The following CTNNA3 variants were observed in gnomAD, a reference collection of about 807,000 sequenced individuals.
CTNNA3 encodes catenin alpha 3, also known as catenin alpha-3.
Under a neutral mutation model 95.7 loss-of-function variants are expected in CTNNA3, and 76 were observed. That is an observed-to-expected ratio of 0.79 (90% CI 0.66 to 0.96). The LOEUF is 0.96. Among genes scored for constraint, CTNNA3 ranks in the 40% least tolerant of loss-of-function variants. The probability of loss-of-function intolerance (pLI) is 0.00; values close to 1 mark genes in which losing one functional copy is unlikely to be tolerated. For synonymous variants in CTNNA3, 431 were observed against 374.4 expected, an observed-to-expected ratio of 1.15 and a Z score of -1.74; for missense variants, 1,191 against 1,089.8, an observed-to-expected ratio of 1.09 and a Z score of -1.31.
chr10:67,468,770 C>T (rs937063526), intron 5 of CTNNA3, among the ~76,000 whole-genome samples: 2 of 152,076 alleles, frequency 1.3e-5, no homozygotes, highest in South Asian at 2.1e-4. Context: ...CCAGAATTAC[C>T]AGGTAGATGA....
At position 66,416,551 on chromosome 10, in the gene CTNNA3, A is replaced by T. The variant is rs202081095; in HGVS notation, c.1532-37199T>A. On this transcript the variant is annotated intron_variant, in intron 11 of 17. Transcript: ENST00000433211. ...TGAAAAATAGAGAATTTTTTTTTTT[A>T]AAAAAAAGCAAGAGAAAAGCATCTA... Among the ~76,000 whole-genome samples the T allele has an allele frequency of 1.0e-3, 77 of 73,414 alleles. 1 individual carries two copies. Among genetic ancestry groups the T allele is most frequent in the African/African-American group, 3.3e-3 (49 of 14,730 alleles). The allele number at this position is 73,414 out of a possible 152,430, so 48.2% of individuals were successfully genotyped here. A position where few individuals can be genotyped will look rare whatever the true frequency, so the allele number is the denominator to read the frequency against.
chr10:66,783,743 T>A (rs1840633371), intron 7 of CTNNA3, among the ~76,000 whole-genome samples: 1 of 152,158 alleles, frequency 6.6e-6, no homozygotes, highest in African/African-American at 2.4e-5. Flanking sequence ...ATTTTCCCGC[T>A]TTTAAATAGA....
chr10:67,240,634 T>C (rs1865683364), intron 5 of CTNNA3, among the ~76,000 whole-genome samples: 1 of 152,154 alleles, frequency 6.6e-6, no homozygotes, highest in Non-Finnish European at 1.5e-5. Flanking sequence ...AAAAGAATTC[T>C]TCAAATTCAA....
chr10:66,775,239 A>G (rs1225624754), intron 8 of CTNNA3, among the ~76,000 whole-genome samples: 2 of 152,224 alleles, frequency 1.3e-5, no homozygotes, highest in Admixed American at 6.5e-5. Flanking sequence ...CTGTCTGATA[A>G]GGCACACATT....
rs554308100 is a variant in CTNNA3 at position 66,614,348 on chromosome 10, C to T, written c.1374+7344G>A. Reference sequence around the variant, plus strand: ...AAGGTCATTGAGGTATAATCATTCACTCAGCAAAAATGTACTGAGTACCTA... The same window carrying T: ...AAGGTCATTGAGGTATAATCATTCATTCAGCAAAAATGTACTGAGTACCTA... On this transcript the variant is annotated intron_variant, in intron 10 of 17. Transcript: ENST00000433211. Among the ~76,000 whole-genome samples, 3 of 152,130 alleles carry T rather than the reference C, an allele frequency of 2.0e-5. 1 individual carries two copies. Among genetic ancestry groups the T allele is most frequent in the South Asian group, 2.1e-4 (1 of 4,826 alleles).
intron 11 of CTNNA3, among the ~76,000 whole-genome samples, chr10:66,513,185 T>C (rs1478633397): frequency 6.6e-6 from 1 of 152,176 alleles, no homozygotes; most frequent in Non-Finnish European, 1.5e-5. Context: ...TCATGTAAAC[T>C]TTTTTCATTT....
rs116282985 is a variant in CTNNA3 at position 67,101,620 on chromosome 10, T to C, written c.1047+78697A>G. 5.0e-3 allele frequency among the ~76,000 whole-genome samples: 752 copies of C among 151,812 alleles called. 9 individuals carry two copies. Among genetic ancestry groups the C allele is most frequent in the African/African-American group, 0.017 (723 of 41,504 alleles). On this transcript the variant is annotated intron_variant, in intron 7 of 17. Coordinates refer to ENST00000433211, the MANE Select transcript of CTNNA3 (RefSeq NM_013266.4). Reference sequence around the variant, plus strand: ...AAAACCACAAAACTATACAGATTAATACAAATTACATTTTTACAAGGAAAG... The same window carrying C: ...AAAACCACAAAACTATACAGATTAACACAAATTACATTTTTACAAGGAAAG...
intron 9 of CTNNA3, among the ~76,000 whole-genome samples, chr10:66,753,069 G>C (rs1839220530): frequency 6.6e-6 from 1 of 152,150 alleles, no homozygotes; most frequent in East Asian, 1.9e-4. Context: ...GAGGCCCATA[G>C]CTACCTACTC....
intron 7 of CTNNA3, among the ~76,000 whole-genome samples, chr10:67,083,113 T>C (rs1274284887): frequency 6.6e-6 from 1 of 152,122 alleles, no homozygotes; most frequent in African/African-American, 2.4e-5. Flanking sequence ...AGACCTTCAT[T>C]ACTCAGCCTT....
intron 9 of CTNNA3, among the ~76,000 whole-genome samples, chr10:66,754,461 C>A (rs1480341555): frequency 3.3e-5 from 5 of 151,992 alleles, no homozygotes; most frequent in Non-Finnish European, 7.4e-5. Flanking sequence ...TAGGCAATGA[C>A]TTCTTATAAA....
At chr10:67,729,453 A>T (rs564907004) in intron 1 of CTNNA3, among the ~76,000 whole-genome samples, 7 of 152,272 alleles carry the variant, frequency 4.6e-5, no homozygotes, top group Admixed American at 3.9e-4. Context: ...AAACAAAAAC[A>T]ATAAAGACAA....
chr10:66,606,396 C>A (rs1346591043), intron 10 of CTNNA3, among the ~76,000 whole-genome samples: 1 of 152,106 alleles, frequency 6.6e-6, no homozygotes, highest in East Asian at 1.9e-4. Context: ...AGGACCTGAA[C>A]TCAGCACTGG....
chr10:67,021,579 T>C (rs551294793), intron 7 of CTNNA3, among the ~76,000 whole-genome samples: 3 of 152,150 alleles, frequency 2.0e-5, no homozygotes, highest in South Asian at 4.1e-4. Flanking sequence ...ATTATAATCA[T>C]GAAAGTTATG....
intron 9 of CTNNA3, among the ~76,000 whole-genome samples, chr10:66,721,678 G>A (rs1302697536): frequency 2.0e-5 from 3 of 152,186 alleles, no homozygotes; most frequent in African/African-American, 7.2e-5. Flanking sequence ...AGGCTGCCCT[G>A]CTGGGGAATG....
intron 5 of CTNNA3, among the ~76,000 whole-genome samples, chr10:67,224,332 T>C (rs750399426): frequency 3.3e-5 from 5 of 152,162 alleles, no homozygotes; most frequent in Non-Finnish European, 7.3e-5. Context: ...ATAAATACAA[T>C]CATACAATAT....
chr10:67,751,151 C>T, intron 1 of CTNNA3: 2 of 1,299,866 alleles, frequency 1.5e-6, no homozygotes, highest in Non-Finnish European at 1.1e-6. Flanking sequence ...CAACCACACT[C>T]AGCTTCAACA....
chr10:66,047,356 TA>T (rs750074852), intron 15 of CTNNA3, among the ~76,000 whole-genome samples: 4 of 152,158 alleles, frequency 2.6e-5, no homozygotes, highest in Non-Finnish European at 5.9e-5. Context: ...ATTCATCACA[TA>T]AACGGAACTA....
At chr10:66,423,961 T>C (rs2093218438) in intron 11 of CTNNA3, among the ~76,000 whole-genome samples, 2 of 152,216 alleles carry the variant, frequency 1.3e-5, no homozygotes. Context: ...TTATTACTAC[T>C]AGTTCAATTT....
intron 11 of CTNNA3, among the ~76,000 whole-genome samples, chr10:66,488,301 C>A (rs978811712): frequency 9.9e-5 from 15 of 152,124 alleles, no homozygotes; most frequent in African/African-American, 3.6e-4. Flanking sequence ...CTCCCTCATG[C>A]ATGGACATAG....
Sources: gnomAD v4.1 joint callset for allele counts (sites outside exome capture counted in the v4.1 genomes callset) on GRCh38, gnomAD v4.1.1 for gene constraint, MANE v1.5 for transcripts, NCBI Gene and HGNC (gene_info 2026-07-23, HGNC 2026-07-21) for gene names.